The following BICRAL variants were observed in gnomAD, a reference collection of about 807,000 sequenced individuals.
BICRAL encodes BRD4-interacting chromatin-remodeling complex-associated protein-like.
In BICRAL, 8 loss-of-function variants were observed where a neutral mutation model predicts 91.8. The observed-to-expected ratio is 0.09, with a 90% confidence interval of 0.05 to 0.16. The LOEUF (loss-of-function observed/expected upper bound fraction) is 0.16, where lower values mean the gene tolerates loss of function less well. BICRAL is among the 10% of genes least tolerant of loss of function. The pLI is 1.00. For missense variants in BICRAL, 1,038 were observed against 1,310.9 expected, an observed-to-expected ratio of 0.79 and a Z score of 3.21; for synonymous variants, 445 against 491.1, an observed-to-expected ratio of 0.91 and a Z score of 1.24.
intron 10 of BICRAL, among the ~76,000 whole-genome samples, chr6:42,857,612 A>ATATATATATAT (rs1471429375): frequency 4.1e-5 from 4 of 97,052 alleles, no homozygotes; most frequent in African/African-American, 2.8e-4. Flanking sequence ...AAAAAAAAAA[A>ATATATATATAT]AAATATATAT....
intron 1 of BICRAL, among the ~76,000 whole-genome samples, chr6:42,798,591 G>T (rs1238891934): frequency 2.6e-5 from 4 of 152,130 alleles, no homozygotes; most frequent in African/African-American, 9.7e-5. Flanking sequence ...AGCTACTCGG[G>T]AGGCTGAGAT....
chr6:42,760,718 C>A lies in BICRAL; in HGVS notation c.-261+13695C>A, dbSNP rs1410484662. On this transcript the variant is annotated intron_variant, in intron 1 of 14. Transcript: ENST00000614467. ...ACTGTGTCCGACTGCTTTTAAATTACTTTCTTGTCAAAAGGTACATAAGAC... is the reference window on the plus strand; with the variant it reads ...ACTGTGTCCGACTGCTTTTAAATTAATTTCTTGTCAAAAGGTACATAAGAC... 5.3e-5 allele frequency among the ~76,000 whole-genome samples: 8 copies of A among 152,152 alleles called. No individual in the cohort carries two copies. The East Asian group carries it at 1.4e-3, about 26-fold the overall frequency.
intron 1 of BICRAL, among the ~76,000 whole-genome samples, chr6:42,808,545 T>A (rs1051888276): frequency 5.9e-5 from 9 of 152,242 alleles, no homozygotes; most frequent in Non-Finnish European, 1.3e-4. Flanking sequence ...TTCACCATTG[T>A]TGATGATCAT....
At chr6:42,826,851 A>G (rs13208725) in intron 5 of BICRAL, among the ~76,000 whole-genome samples, 1 of 152,074 alleles carries the variant, frequency 6.6e-6, no homozygotes, top group Admixed American at 6.5e-5. Context: ...CAATGGCACA[A>G]TCTTGGCTCA....
At chr6:42,858,406 C>G (rs1209977569) in intron 10 of BICRAL, among the ~76,000 whole-genome samples, 4 of 149,766 alleles carry the variant, frequency 2.7e-5, no homozygotes, top group Non-Finnish European at 5.9e-5. Context: ...GTCCCAGCTA[C>G]TTGGGAGGCT....
chr6:42,755,576 GTCTC>G (rs1156996209), intron 1 of BICRAL, among the ~76,000 whole-genome samples: 1 of 151,688 alleles, frequency 6.6e-6, no homozygotes, highest in Non-Finnish European at 1.5e-5. Context: ...CCACCTCTTT[GTCTC>G]TCTCCTTCTC....
At chr6:42,840,338 G>A (rs1399740238) in intron 6 of BICRAL, among the ~76,000 whole-genome samples, 2 of 150,280 alleles carry the variant, frequency 1.3e-5, no homozygotes, top group Non-Finnish European at 3.0e-5. Flanking sequence ...TGCCTCCCGG[G>A]TTCAAGCTAT....
intron 1 of BICRAL, among the ~76,000 whole-genome samples, chr6:42,794,822 G>A (rs749259095): frequency 1.3e-4 from 19 of 150,700 alleles, no homozygotes; most frequent in Admixed American, 8.0e-4. Context: ...ATAGCCGGGC[G>A]TGGTGGCGGG....
At position 42,866,628 on chromosome 6, in the gene BICRAL, G is replaced by C; in HGVS notation, c.*1182G>C. On this transcript the variant is annotated 3_prime_UTR_variant, in exon 13 of 13. Transcript: ENST00000314073. ...AACACAGACAAACCAAAGGTAACCA[G>C]CTAGCCCACCACTGAAAGGAAAGAT... The C allele has an allele frequency of 2.9e-6, 1 of 350,430 alleles. No homozygotes were observed. 21.7% of individuals were successfully genotyped at this position (350,430 alleles called of 1,614,324 possible). A position where few individuals can be genotyped will look rare whatever the true frequency, so the allele number is the denominator to read the frequency against.
chr6:42,776,611 G>C (rs928315517), intron 1 of BICRAL, among the ~76,000 whole-genome samples: 1 of 152,134 alleles, frequency 6.6e-6, no homozygotes, highest in African/African-American at 2.4e-5. Flanking sequence ...GCCTCCCAAA[G>C]TGTTAGGATT....
intron 1 of BICRAL, among the ~76,000 whole-genome samples, chr6:42,758,136 T>C (rs1196756538): frequency 6.6e-6 from 1 of 152,154 alleles, no homozygotes; most frequent in Non-Finnish European, 1.5e-5. Context: ...CCTGGCTCCC[T>C]CTCTTCAGGT....
chr6:42,854,780 C>A (rs1329641574), intron 8 of BICRAL, among the ~76,000 whole-genome samples: 6 of 152,156 alleles, frequency 3.9e-5, no homozygotes, highest in African/African-American at 1.4e-4. Flanking sequence ...CTCAGCCTAC[C>A]AAAGTGCTAG....
At chr6:42,790,035 GAGAAAA>G (rs905492741) in intron 1 of BICRAL, among the ~76,000 whole-genome samples, 2 of 113,478 alleles carry the variant, frequency 1.8e-5, no homozygotes, top group African/African-American at 9.5e-5. Flanking sequence ...AGGGATCTGT[GAGAAAA>G]AGAATCAAGA....
intron 6 of BICRAL, among the ~76,000 whole-genome samples, chr6:42,835,205 T>C (rs1764605380): frequency 6.6e-6 from 1 of 152,090 alleles, no homozygotes; most frequent in African/African-American, 2.4e-5. Flanking sequence ...ATCTGCTCAC[T>C]GCAACCTCTG....
intron 1 of BICRAL, among the ~76,000 whole-genome samples, chr6:42,798,809 C>T (rs1012988894): frequency 3.3e-5 from 5 of 152,176 alleles, no homozygotes; most frequent in Admixed American, 6.5e-5. Context: ...CTGCTCCTTG[C>T]GGAGCGTGGC....
intron 1 of BICRAL, among the ~76,000 whole-genome samples, chr6:42,805,608 G>A (rs2113906488): frequency 6.6e-6 from 1 of 152,278 alleles, no homozygotes; most frequent in South Asian, 2.1e-4. Context: ...TTATGTGCCA[G>A]GGGCTATTCT....
chr6:42,784,987 CTT>C (rs1763060297), intron 1 of BICRAL, among the ~76,000 whole-genome samples: 1 of 152,070 alleles, frequency 6.6e-6, no homozygotes. Context: ...CTGTTCTGCT[CTT>C]TTTTGAATTG....
intron 1 of BICRAL, among the ~76,000 whole-genome samples, chr6:42,775,404 C>CCTCCATTCCACTTCCT (rs1762793282): frequency 6.6e-6 from 1 of 152,160 alleles, no homozygotes; most frequent in Non-Finnish European, 1.5e-5. Flanking sequence ...GATTATGTGA[C>CCTCCATTCCACTTCCT]CTCCATTCCA....
Position 42,868,182 on chromosome 6 carries a change from T to G in BICRAL, c.*2736T>G, listed in dbSNP as rs1203517361. The G allele has an allele frequency of 8.5e-5, 13 of 152,406 alleles. No homozygotes were observed. 9.4% of individuals were successfully genotyped at this position (152,406 alleles called of 1,614,324 possible). On this transcript the variant is annotated 3_prime_UTR_variant, in exon 13 of 13. Transcript: ENST00000314073. ...TGAAGCAAAATTTTAATCTGGCAAT[T>G]ATGAAAAAGAAATATTTTAGCTCTG...
Sources: gnomAD v4.1 joint callset for allele counts (sites outside exome capture counted in the v4.1 genomes callset) on GRCh38, gnomAD v4.1.1 for gene constraint, MANE v1.5 for transcripts, NCBI Gene and HGNC (gene_info 2026-07-23, HGNC 2026-07-21) for gene names.